The following NFATC1 variants were observed in gnomAD, a reference collection of about 807,000 sequenced individuals.
NFATC1 encodes nuclear factor of activated T cells 1, also known as nuclear factor of activated T-cells, cytoplasmic 1.
In NFATC1, 22 loss-of-function variants were observed where a neutral mutation model predicts 76.0. That is an observed-to-expected ratio of 0.29 (90% CI 0.21 to 0.41). The LOEUF (loss-of-function observed/expected upper bound fraction) is 0.41. Among genes scored for constraint, NFATC1 ranks in the 10% least tolerant of loss-of-function variants. The pLI is 1.00. For synonymous variants in NFATC1, 704 were observed against 613.1 expected, an observed-to-expected ratio of 1.15 and a Z score of -2.19; for missense variants, 1,357 against 1,337.7, an observed-to-expected ratio of 1.01 and a Z score of -0.23.
rs2090818696 is a variant in NFATC1 at position 79,528,219 on chromosome 18, G to T, written c.*642G>T. 3.0e-6 allele frequency: 1 copy of T among 327,970 alleles called. No individual in the cohort carries two copies. The allele number at this position is 327,970 out of a possible 1,614,324, so 20.3% of individuals were successfully genotyped here. ...GTAACATGCTTCCCTTGTCTGCGCG[G>T]TTGAAACCGTAGGCTTGTTCATAGT... is the stretch of plus-strand genomic sequence containing the variant. On this transcript the variant is annotated 3_prime_UTR_variant, in exon 10 of 10. Coordinates refer to ENST00000427363, the MANE Select transcript of NFATC1 (RefSeq NM_001278669.2).
intron 8 of NFATC1, chr18:79,470,068 A>G (rs1368233926): frequency 4.2e-6 from 4 of 955,198 alleles, no homozygotes; most frequent in African/African-American, 3.5e-5. Context: ...TGCCTCTGCA[A>G]CCCCGGCTGG....
chr18:79,476,446 C>T (rs1430726223), intron 8 of NFATC1, among the ~76,000 whole-genome samples: 1 of 152,230 alleles, frequency 6.6e-6, no homozygotes, highest in African/African-American at 2.4e-5. Flanking sequence ...TGTCATCAGC[C>T]TAATTGGGCA....
At position 79,527,548 on chromosome 18, in the gene NFATC1, G is replaced by T; in HGVS notation, c.2803G>T (p.Asp935Tyr). The change falls in exon 10 of 10, where the codon GAC becomes TAC. Residue 935 changes from aspartate to tyrosine, a missense_variant. Physicochemically the swap from Asp to Tyr is radical, Grantham distance 160 (BLOSUM62 -3). Transcript: ENST00000427363. ...TACAGTAAATGAAATAATACGAAAT[G>T]ACCTCTCCAGCACGAGCACCCACTC... ...LDDVNEIIRN[D>Y]LSSTSTHS 6.2e-7 allele frequency: 1 copy of T among 1,613,906 alleles called. No homozygotes were observed.
intron 9 of NFATC1, among the ~76,000 whole-genome samples, chr18:79,489,034 C>T (rs1373907434): frequency 6.6e-6 from 1 of 152,186 alleles, no homozygotes; most frequent in Non-Finnish European, 1.5e-5. Flanking sequence ...GACTGTTGAC[C>T]CGCACGGTGC....
At chr18:79,409,492 T>G (rs2085581003) in intron 1 of NFATC1, among the ~76,000 whole-genome samples, 1 of 151,274 alleles carries the variant, frequency 6.6e-6, no homozygotes, top group South Asian at 2.1e-4. Context: ...CAATGCATCA[T>G]TCATCCATCC....
In NFATC1 at chr18:79,433,627, G is replaced by A. The variant is rs138150995; in HGVS notation, c.1275G>A (p.Pro425=). ...GGCAGCTGCCGTCCCACTCAGGCCC[G>A]TATGAGCTTCGGATTGAGGTGCAGC... ...LDWQLPSHSG[P]YELRIEVQPK... The change falls in exon 3 of 10, where the codon CCG becomes CCA. Residue 425 remains proline, a synonymous_variant. Transcript: ENST00000427363. 5.0e-5 allele frequency: 81 copies of A among 1,612,994 alleles called. No individual in the cohort carries two copies. In the Middle Eastern group the frequency reaches 1.5e-3, roughly 30 times the overall value.
rs375397219 is a variant in NFATC1 at position 79,456,168 on chromosome 18, G to C, written c.1903+4352G>C. Among the ~76,000 whole-genome samples, 3 of 152,312 alleles carry C rather than the reference G, an allele frequency of 2.0e-5. No individual in the cohort carries two copies. The South Asian group carries it at 6.2e-4, about 32-fold the overall frequency. ...CTGGCAGGACACTTGCAAGGACACG[G>C]AACTGTCACGGAACCACCGTGGCTT... On this transcript the variant is annotated intron_variant, in intron 6 of 9. Coordinates refer to ENST00000427363, the MANE Select transcript of NFATC1 (RefSeq NM_001278669.2).
rs544695242 is a variant in NFATC1 at position 79,411,644 on chromosome 18, G to A, written c.1226+143G>A. 496 of 577,560 alleles carry A rather than the reference G, an allele frequency of 8.6e-4. 3 individuals are homozygous for A. In the African/African-American group the frequency reaches 9.5e-3, roughly 11 times the overall value. The allele number at this position is 577,560 out of a possible 1,614,324, so 35.8% of individuals were successfully genotyped here. Reference sequence around the variant, plus strand: ...ACCTGGGTGGGCAGGTGGGCTCCTCGTGGAGCTGGGAGGCAGAGTCTGTCC... The same window carrying A: ...ACCTGGGTGGGCAGGTGGGCTCCTCATGGAGCTGGGAGGCAGAGTCTGTCC... On this transcript the variant is annotated intron_variant, in intron 2 of 9. Coordinates refer to ENST00000427363, the MANE Select transcript of NFATC1 (RefSeq NM_001278669.2).
chr18:79,483,909 GGTTCCTGGGGTGTCACTCCAGCGTGACC>G (rs1469969884), intron 8 of NFATC1, among the ~76,000 whole-genome samples: 2 of 134,340 alleles, frequency 1.5e-5, no homozygotes, highest in African/African-American at 5.7e-5. Context: ...AGCGTGACCT[GGTTCCTGGGGTGTCACTCCAGCGTGACC>G]TGGTTCCTGG....
At chr18:79,402,412 C>T (rs979993805) in intron 1 of NFATC1, 24 of 984,866 alleles carry the variant, frequency 2.4e-5, no homozygotes, top group Non-Finnish European at 2.7e-5. Context: ...CGGCACCCAC[C>T]GGGCTCATTC....
At chr18:79,452,903 G>A (rs551781957) in intron 6 of NFATC1, among the ~76,000 whole-genome samples, 2 of 152,328 alleles carry the variant, frequency 1.3e-5, no homozygotes, top group African/African-American at 2.4e-5. Context: ...CCTGGAAACC[G>A]CGGAGGCATT....
chr18:79,507,272 A>T (rs2090138248), intron 9 of NFATC1, among the ~76,000 whole-genome samples: 1 of 152,248 alleles, frequency 6.6e-6, no homozygotes. Flanking sequence ...CCTTGGCAGC[A>T]GCTCAGTTCC....
intron 2 of NFATC1, among the ~76,000 whole-genome samples, chr18:79,432,308 G>C (rs886963111): frequency 1.7e-5 from 1 of 59,072 alleles, no homozygotes; most frequent in South Asian, 4.7e-4. Context: ...CCCGGCCCAC[G>C]GTGCTCGGGG....
At chr18:79,453,426 C>G (rs1349235246) in intron 6 of NFATC1, among the ~76,000 whole-genome samples, 1 of 152,258 alleles carries the variant, frequency 6.6e-6, no homozygotes, top group Non-Finnish European at 1.5e-5. Context: ...CAGCCACCAG[C>G]CTGCGAGGGC....
At chr18:79,401,700 C>T (rs1180539907) in intron 1 of NFATC1, among the ~76,000 whole-genome samples, 11 of 152,384 alleles carry the variant, frequency 7.2e-5, no homozygotes, top group African/African-American at 2.6e-4. Context: ...GAAAGTCGGT[C>T]CCATGAGAGT....
intron 8 of NFATC1, among the ~76,000 whole-genome samples, chr18:79,482,641 C>G (rs1459742788): frequency 4.2e-3 from 240 of 57,762 alleles, no homozygotes; most frequent in Admixed American, 6.1e-3. Flanking sequence ...AGCGTGACCT[C>G]GTTCCTGGGG....
At chr18:79,403,938 C>T (rs1185773617) in intron 1 of NFATC1, among the ~76,000 whole-genome samples, 1 of 152,196 alleles carries the variant, frequency 6.6e-6, no homozygotes, top group Non-Finnish European at 1.5e-5. Context: ...TGTTCAAGTT[C>T]AGTGTTTTAG....
chr18:79,464,686 A>ACACACATG (rs1363930157), intron 7 of NFATC1, among the ~76,000 whole-genome samples: 12 of 111,466 alleles, frequency 1.1e-4, no homozygotes, highest in African/African-American at 5.5e-4. Flanking sequence ...GTATGTGTAT[A>ACACACATG]TATATATATT....
At chr18:79,503,968 C>T (rs772102152) in intron 9 of NFATC1, among the ~76,000 whole-genome samples, 41 of 152,188 alleles carry the variant, frequency 2.7e-4, no homozygotes, top group Admixed American at 1.1e-3. Context: ...CTGCAGCTTC[C>T]TCATCTCTCA....
Sources: gnomAD v4.1 joint callset for allele counts (sites outside exome capture counted in the v4.1 genomes callset) on GRCh38, gnomAD v4.1.1 for gene constraint, MANE v1.5 for transcripts, NCBI Gene and HGNC (gene_info 2026-07-23, HGNC 2026-07-21) for gene names.